Variants in SPMIP2 observed in about 807,000 individuals in gnomAD.
SPMIP2 encodes protein SPMIP2.
chr4:159,006,319 A>G, the SPMIP2 span, among the ~76,000 whole-genome samples: 1 of 152,226 alleles, frequency 6.6e-6, no homozygotes, highest in African/African-American at 2.4e-5. Flanking sequence ...AGGGTCATTC[A>G]GAAGTCCAAA....
At chr4:159,078,904 G>A in the SPMIP2 span, among the ~76,000 whole-genome samples, 1 of 152,072 alleles carries the variant, frequency 6.6e-6, no homozygotes, top group Non-Finnish European at 1.5e-5. Context: ...AATCACTTGA[G>A]GTCAGGAGTT....
chr4:158,923,418 ATGTTT>A, the SPMIP2 span, among the ~76,000 whole-genome samples: 1 of 152,048 alleles, frequency 6.6e-6, no homozygotes, highest in Non-Finnish European at 1.5e-5. Context: ...CCTTTCAATG[ATGTTT>A]TGTTTTCAGT....
the SPMIP2 span, among the ~76,000 whole-genome samples, chr4:158,942,344 C>T: frequency 3.3e-5 from 5 of 152,322 alleles, no homozygotes; most frequent in South Asian, 2.1e-4. Flanking sequence ...GATCCCTGTT[C>T]GAAGTTAGGC....
At chr4:158,973,345 A>G in the SPMIP2 span, 1 of 1,336,288 alleles carries the variant, frequency 7.5e-7, no homozygotes, top group Non-Finnish European at 1.1e-6. Context: ...AAACTTCTCC[A>G]CACTTTATTC....
At chr4:158,971,424 A>G in the SPMIP2 span, among the ~76,000 whole-genome samples, 1 of 152,122 alleles carries the variant, frequency 6.6e-6, no homozygotes, top group East Asian at 1.9e-4. Flanking sequence ...TCACTCAGAA[A>G]CTGGTCTTCT....
chr4:158,959,031 G>C, the SPMIP2 span, among the ~76,000 whole-genome samples: 2 of 152,130 alleles, frequency 1.3e-5, no homozygotes, highest in African/African-American at 4.8e-5. Context: ...CTAAATACAA[G>C]GTCTCTTTCA....
chr4:159,009,410 A>AC, the SPMIP2 span, among the ~76,000 whole-genome samples: 1 of 152,128 alleles, frequency 6.6e-6, no homozygotes, highest in Non-Finnish European at 1.5e-5. Flanking sequence ...ATGTTTGAGG[A>AC]CCCCTGCCCT....
the SPMIP2 span, among the ~76,000 whole-genome samples, chr4:159,013,485 C>T: frequency 6.6e-6 from 1 of 152,160 alleles, no homozygotes; most frequent in African/African-American, 2.4e-5. Flanking sequence ...GACTGGTGAG[C>T]CCCTCTTCCT....
chr4:159,038,101 C>A, the SPMIP2 span, among the ~76,000 whole-genome samples: 3 of 152,074 alleles, frequency 2.0e-5, no homozygotes, highest in Non-Finnish European at 4.4e-5. Flanking sequence ...AAGATTGCTA[C>A]AAAGTGTAGT....
the SPMIP2 span, among the ~76,000 whole-genome samples, chr4:158,987,216 C>T: frequency 6.7e-6 from 1 of 149,214 alleles, no homozygotes; most frequent in Non-Finnish European, 1.5e-5. Context: ...TTGTGGAAGT[C>T]AGTGTGGCAA....
chr4:158,901,545 G>T, the SPMIP2 span, among the ~76,000 whole-genome samples: 1 of 152,088 alleles, frequency 6.6e-6, no homozygotes, highest in Non-Finnish European at 1.5e-5. Context: ...GCCTTGCTAG[G>T]TTGGGGACAT....
chr4:158,895,727 T>C, the SPMIP2 span: 2 of 1,463,804 alleles, frequency 1.4e-6, no homozygotes, highest in South Asian at 2.3e-5. Context: ...TAGCCCTCAT[T>C]GTGAATGTTC....
At chr4:158,933,568 T>C in the SPMIP2 span, among the ~76,000 whole-genome samples, 1 of 152,218 alleles carries the variant, frequency 6.6e-6, no homozygotes. Context: ...CAAGCTCTTT[T>C]CTGTCAGATA....
At chr4:159,061,642 T>C in the SPMIP2 span, among the ~76,000 whole-genome samples, 1 of 152,018 alleles carries the variant, frequency 6.6e-6, no homozygotes. Flanking sequence ...ACCCCATCTG[T>C]ACTAAAAATA....
At chr4:158,934,172 AG>A in the SPMIP2 span, among the ~76,000 whole-genome samples, 19 of 152,192 alleles carry the variant, frequency 1.2e-4, no homozygotes, top group African/African-American at 3.9e-4. Flanking sequence ...TCTATAAAAT[AG>A]GAACAGGTCA....
chr4:159,072,793 C>A, the SPMIP2 span, among the ~76,000 whole-genome samples: 1 of 151,922 alleles, frequency 6.6e-6, no homozygotes, highest in African/African-American at 2.4e-5. Flanking sequence ...GAAACTACTT[C>A]GCCAGTAATA....
chr4:158,998,707 C>T, the SPMIP2 span, among the ~76,000 whole-genome samples: 11 of 152,136 alleles, frequency 7.2e-5, no homozygotes, highest in Non-Finnish European at 1.5e-4. Flanking sequence ...AGGTAAGAAT[C>T]GCGCCGGTTT....
At chr4:158,951,287 C>T in the SPMIP2 span, among the ~76,000 whole-genome samples, 10 of 152,332 alleles carry the variant, frequency 6.6e-5, no homozygotes, top group East Asian at 1.7e-3. Flanking sequence ...ATAGAGTGTA[C>T]TTACACAAAC....
chr4:159,004,002 T>G, the SPMIP2 span, among the ~76,000 whole-genome samples: 1 of 152,212 alleles, frequency 6.6e-6, no homozygotes, highest in African/African-American at 2.4e-5. Context: ...GAGTCCATTT[T>G]GGGTTTTTTT....
Sources: allele counts gnomAD v4.1 joint callset (sites outside exome capture counted in the v4.1 genomes callset), GRCh38; gene constraint gnomAD v4.1.1; transcripts MANE v1.5; gene names NCBI Gene and HGNC (gene_info 2026-07-23, HGNC 2026-07-21).